Variants in ARFGEF1 observed in about 807,000 individuals in gnomAD.
ARFGEF1 encodes the protein ARF guanine nucleotide exchange factor 1.
In ARFGEF1, 42 loss-of-function variants were observed where a neutral mutation model predicts 231.0. The observed-to-expected ratio is 0.18, with a 90% confidence interval of 0.14 to 0.24. ARFGEF1 has a LOEUF of 0.24. Among genes scored for constraint, ARFGEF1 ranks in the 10% least tolerant of loss-of-function variants. The pLI is 1.00. For missense variants in ARFGEF1, 1,345 were observed against 2,192.0 expected (o/e 0.61, Z 7.72); for synonymous variants, 710 against 732.3 (o/e 0.97, Z 0.49).
chr8:67,297,499 G>T (rs1445480137), intron 4 of ARFGEF1, among the ~76,000 whole-genome samples: 4 of 152,194 alleles, frequency 2.6e-5, no homozygotes, highest in Non-Finnish European at 5.9e-5. Context: ...AGGATCATTT[G>T]AGTCAGGGAG....
intron 1 of ARFGEF1, among the ~76,000 whole-genome samples, chr8:67,323,710 G>A (rs1417899778): frequency 6.6e-6 from 1 of 152,076 alleles, no homozygotes; most frequent in Admixed American, 6.5e-5. Context: ...CATATTCAGT[G>A]CCTCAGGTTC....
chr8:67,213,954 C>T (rs1945791596), intron 33 of ARFGEF1, among the ~76,000 whole-genome samples: 1 of 152,152 alleles, frequency 6.6e-6, no homozygotes, highest in African/African-American at 2.4e-5. Context: ...ATTTTGATAC[C>T]ATGAAATGGA....
chr8:67,289,643 A>T (rs1411183166), intron 6 of ARFGEF1, among the ~76,000 whole-genome samples: 1 of 151,776 alleles, frequency 6.6e-6, no homozygotes, highest in Non-Finnish European at 1.5e-5. Context: ...CCTCCCTATA[A>T]TTTCACTTTT....
In ARFGEF1 at chr8:67,339,386, C is replaced by T. The variant is rs1808493837; in HGVS notation, c.124+3778G>A. ...TTGAACTCTTTCATCCTAACATTTG[C>T]AGAGTATCTTCATAGATACTCTTCA... On this transcript the variant is annotated intron_variant, in intron 1 of 38. Transcript: ENST00000262215. Among the ~76,000 whole-genome samples, 3 of 152,098 alleles carry T rather than the reference C, an allele frequency of 2.0e-5. No homozygotes were observed. The South Asian group carries it at 6.2e-4, about 32-fold the overall frequency.
intron 4 of ARFGEF1, among the ~76,000 whole-genome samples, 199 bp from the exon 5 acceptor site, chr8:67,296,809 C>A (rs1222659535): frequency 6.6e-6 from 1 of 151,982 alleles, no homozygotes; most frequent in Admixed American, 6.6e-5. Flanking sequence ...CACCACCACA[C>A]CCGGCTAATT....
In ARFGEF1 at chr8:67,246,811, T is replaced by C. The variant is rs1351634141; in HGVS notation, c.2850+4488A>G. Among the ~76,000 whole-genome samples the C allele has an allele frequency of 2.7e-5, 4 of 149,798 alleles. 2 individuals are homozygous for C. Among genetic ancestry groups the C allele is most frequent in the African/African-American group, 1.0e-4 (4 of 40,084 alleles). ...TACAAAACATCAACAAAACAAAAAGTTGGTTTTCTGAAATGATAGATAAAC... is the reference window on the plus strand; with the variant it reads ...TACAAAACATCAACAAAACAAAAAGCTGGTTTTCTGAAATGATAGATAAAC... On this transcript the variant is annotated intron_variant, in intron 19 of 38. Coordinates refer to ENST00000262215, the MANE Select transcript of ARFGEF1 (RefSeq NM_006421.5).
chr8:67,296,369 C>G (rs1806232202), intron 5 of ARFGEF1, 62 bp downstream of exon 5: 1 of 1,453,400 alleles, frequency 6.9e-7, no homozygotes, highest in Non-Finnish European at 9.4e-7. Context: ...TTACTGTAAA[C>G]TCCTTTCTAT....
chr8:67,278,587 C>T (rs910602782), intron 7 of ARFGEF1, among the ~76,000 whole-genome samples: 6 of 152,274 alleles, frequency 3.9e-5, no homozygotes, highest in South Asian at 2.1e-4. Context: ...GTGGCTCACA[C>T]CTGTAATCCC....
chr8:67,279,354 C>A (rs1029689319), intron 7 of ARFGEF1, among the ~76,000 whole-genome samples: 11 of 152,128 alleles, frequency 7.2e-5, no homozygotes, highest in African/African-American at 2.4e-4. Flanking sequence ...TCTTGCAGCA[C>A]CACAAAAATA....
rs1434946117 is a variant in ARFGEF1 at position 67,269,401 on chromosome 8, G to A, written c.1573-1959C>T. Reference sequence around the variant, plus strand: ...GAGTTTCGCTCTTGTTGACCAGGCTGGAGTGCAATGGCGCGATCTTAGCTC... The same window carrying A: ...GAGTTTCGCTCTTGTTGACCAGGCTAGAGTGCAATGGCGCGATCTTAGCTC... On this transcript the variant is annotated intron_variant, in intron 10 of 38. Transcript: ENST00000262215. Among the ~76,000 whole-genome samples, 5 of 143,008 alleles carry A rather than the reference G, an allele frequency of 3.5e-5. No individual in the cohort carries two copies. The Admixed American group carries it at 3.6e-4, about 10-fold the overall frequency. 93.8% of individuals were successfully genotyped at this position (143,008 alleles called of 152,430 possible).
At chr8:67,194,789 ACAAT>A (rs1308056924), downstream of ARFGEF1, among the ~76,000 whole-genome samples, 5 of 152,316 alleles carry the variant, frequency 3.3e-5, no homozygotes, top group African/African-American at 1.2e-4. Context: ...GAAGTTGCGT[ACAAT>A]CAATCAGATT....
intron 29 of ARFGEF1, among the ~76,000 whole-genome samples, chr8:67,221,685 C>G (rs1390125147): frequency 6.6e-6 from 1 of 152,044 alleles, no homozygotes; most frequent in Non-Finnish European, 1.5e-5. Context: ...TTTAAAGTAG[C>G]CTAAGTTTAC....
chr8:67,239,215 C>A (rs1587112183), intron 20 of ARFGEF1, among the ~76,000 whole-genome samples: 1 of 151,954 alleles, frequency 6.6e-6, no homozygotes, highest in East Asian at 1.9e-4. Context: ...ACCATGTTGG[C>A]CAGGCTGGTC....
chr8:67,291,690 A>T (rs988100894), intron 6 of ARFGEF1, among the ~76,000 whole-genome samples, 157 bp downstream of exon 6: 2 of 152,148 alleles, frequency 1.3e-5, no homozygotes, highest in African/African-American at 4.8e-5. Flanking sequence ...GAGTCAAATT[A>T]ATTTTACCAC....
chr8:67,325,030 C>T (rs1444937633), intron 1 of ARFGEF1, among the ~76,000 whole-genome samples: 1 of 152,068 alleles, frequency 6.6e-6, no homozygotes, highest in Non-Finnish European at 1.5e-5. Flanking sequence ...TCTCCTGCCT[C>T]AGCCTCCCGA....
Position 67,343,386 on chromosome 8 carries a change from G to C in ARFGEF1, c.-99C>G, listed in dbSNP as rs939959321. The C allele has an allele frequency of 5.6e-5, 85 of 1,512,874 alleles. No individual in the cohort carries two copies. The highest frequency in any genetic ancestry group is 7.2e-5 in the Non-Finnish European group (81 of 1,128,314). The allele number at this position is 1,512,874 out of a possible 1,614,324, so 93.7% of individuals were successfully genotyped here. A position where few individuals can be genotyped will look rare whatever the true frequency, so the allele number is the denominator to read the frequency against. On this transcript the variant is annotated 5_prime_UTR_variant, in exon 1 of 39. Coordinates refer to ENST00000262215, the MANE Select transcript of ARFGEF1 (RefSeq NM_006421.5). Reference sequence around the variant, plus strand: ...AGGAAGAGAAGAGAGAAAGGAGAGGGGGTGGAGGTGGGGGATTGGAGGCGT... The same window carrying C: ...AGGAAGAGAAGAGAGAAAGGAGAGGCGGTGGAGGTGGGGGATTGGAGGCGT...
intron 5 of ARFGEF1, among the ~76,000 whole-genome samples, chr8:67,183,847 T>A (rs1283672113): frequency 6.9e-6 from 1 of 143,934 alleles, no homozygotes; most frequent in Non-Finnish European, 1.5e-5. Context: ...TTGGGAATTT[T>A]TTTTTTTTTT....
At chr8:67,185,704 G>A (rs1438781880) in intron 5 of ARFGEF1, among the ~76,000 whole-genome samples, 1 of 152,192 alleles carries the variant, frequency 6.6e-6, no homozygotes, top group Non-Finnish European at 1.5e-5. Context: ...AGGTTCCAAA[G>A]AAAAAAGTAA....
chr8:67,330,201 T>C (rs1296042550), intron 1 of ARFGEF1, among the ~76,000 whole-genome samples: 5 of 152,114 alleles, frequency 3.3e-5, no homozygotes, highest in African/African-American at 7.2e-5. Context: ...AGGGTGCTTT[T>C]TGAAATGTAA....
Sources: gnomAD v4.1 joint callset for allele counts (sites outside exome capture counted in the v4.1 genomes callset) on GRCh38, gnomAD v4.1.1 for gene constraint, MANE v1.5 for transcripts, NCBI Gene and HGNC (gene_info 2026-07-23, HGNC 2026-07-21) for gene names.